Variants in AKAP19 observed in about 807,000 individuals in gnomAD.
AKAP19 encodes the protein small A-kinase anchoring protein.
the AKAP19 span, among the ~76,000 whole-genome samples, chr2:190,160,932 C>G: frequency 4.6e-5 from 7 of 152,024 alleles, no homozygotes; most frequent in East Asian, 1.3e-3. Flanking sequence ...TAATCGAGTA[C>G]TTACAGATGA....
chr2:190,114,116 G>T, the AKAP19 span, among the ~76,000 whole-genome samples: 4 of 152,022 alleles, frequency 2.6e-5, no homozygotes, highest in African/African-American at 7.2e-5. Flanking sequence ...AGTCTTTTCC[G>T]CAAACAAATC....
chr2:190,023,421 A>G, the AKAP19 span, among the ~76,000 whole-genome samples: 1 of 152,078 alleles, frequency 6.6e-6, no homozygotes, highest in Admixed American at 6.6e-5. Context: ...AAATAAATAA[A>G]AGCATATTAT....
chr2:190,180,717 C>T, the AKAP19 span: 3 of 985,374 alleles, frequency 3.0e-6, no homozygotes, highest in Non-Finnish European at 1.2e-6. This position sits in a 1 kb window ranked among gnomAD's most constrained non-coding sequence, Gnocchi z 6.8. Flanking sequence ...TCCCAGAGGG[C>T]GCGCCCTGGA....
chr2:190,018,546 AT>A, the AKAP19 span, among the ~76,000 whole-genome samples: 1 of 151,580 alleles, frequency 6.6e-6, no homozygotes, highest in Non-Finnish European at 1.5e-5. Flanking sequence ...CATGTTTTCT[AT>A]TTGTTTAACT....
the AKAP19 span, among the ~76,000 whole-genome samples, chr2:190,178,355 A>G: frequency 6.6e-6 from 1 of 152,200 alleles, no homozygotes; most frequent in African/African-American, 2.4e-5. This position sits in a 1 kb window ranked among gnomAD's most constrained non-coding sequence, Gnocchi z 6.3. Flanking sequence ...TCCAGGCCCA[A>G]CCTGCAAGTA....
the AKAP19 span, among the ~76,000 whole-genome samples, chr2:190,028,453 T>G: frequency 1.3e-5 from 2 of 152,184 alleles, no homozygotes; most frequent in East Asian, 3.8e-4. Flanking sequence ...ATGTTGTTCT[T>G]CTTAAGTGTT....
the AKAP19 span, among the ~76,000 whole-genome samples, chr2:189,961,645 G>A: frequency 6.6e-6 from 1 of 152,036 alleles, no homozygotes; most frequent in African/African-American, 2.4e-5. Context: ...GGGCATGGTG[G>A]CTCACACCTG....
At chr2:190,180,724 T>G in the AKAP19 span, 1 of 985,204 alleles carries the variant, frequency 1.0e-6, no homozygotes, top group Non-Finnish European at 1.2e-6. The surrounding 1 kb of genome is among the most constrained non-coding windows in gnomAD (Gnocchi z 6.8). Context: ...GGGCGCGCCC[T>G]GGAGCCGAGC....
At chr2:190,091,416 A>G in the AKAP19 span, among the ~76,000 whole-genome samples, 1 of 152,194 alleles carries the variant, frequency 6.6e-6, no homozygotes, top group African/African-American at 2.4e-5. Context: ...AACTGAAAGG[A>G]ATTTATTCAA....
At chr2:190,073,280 A>AAC in the AKAP19 span, among the ~76,000 whole-genome samples, 5 of 152,332 alleles carry the variant, frequency 3.3e-5, no homozygotes, top group East Asian at 9.6e-4. Context: ...GAATACTCTG[A>AAC]AAAGTGCCAG....
chr2:190,048,206 G>A, the AKAP19 span, among the ~76,000 whole-genome samples: 20 of 152,270 alleles, frequency 1.3e-4, no homozygotes, highest in Admixed American at 3.3e-4. Flanking sequence ...TAAGAATTAA[G>A]AAAGAAAAAC....
chr2:190,009,304 A>C, the AKAP19 span, among the ~76,000 whole-genome samples: 1 of 152,224 alleles, frequency 6.6e-6, no homozygotes, highest in African/African-American at 2.4e-5. Flanking sequence ...GGCTAGAAGT[A>C]TAACAGAAAG....
At chr2:190,144,190 AAAAAT>A in the AKAP19 span, among the ~76,000 whole-genome samples, 4 of 150,428 alleles carry the variant, frequency 2.7e-5, no homozygotes, top group African/African-American at 9.7e-5. Flanking sequence ...AGAAAAGAAA[AAAAAT>A]ATTAATAAAA....
chr2:190,153,974 G>A, the AKAP19 span, among the ~76,000 whole-genome samples: 698 of 152,238 alleles, frequency 4.6e-3, 5 homozygotes, highest in African/African-American at 0.016. Context: ...TCTGTGAGAC[G>A]AGATGGGTAC....
At chr2:190,021,838 A>C in the AKAP19 span, among the ~76,000 whole-genome samples, 1 of 152,326 alleles carries the variant, frequency 6.6e-6, no homozygotes, top group Admixed American at 6.5e-5. Flanking sequence ...TTTCCTGTCT[A>C]TAACAGAATA....
At chr2:189,956,660 C>A in the AKAP19 span, among the ~76,000 whole-genome samples, 2 of 152,110 alleles carry the variant, frequency 1.3e-5, no homozygotes, top group Non-Finnish European at 2.9e-5. Context: ...CTTACTGCAG[C>A]CTTGAACTTC....
the AKAP19 span, among the ~76,000 whole-genome samples, chr2:190,092,789 G>C: frequency 6.6e-6 from 1 of 152,108 alleles, no homozygotes; most frequent in African/African-American, 2.4e-5. Context: ...AGAAATCATT[G>C]TCGGTCTGAT....
the AKAP19 span, among the ~76,000 whole-genome samples, chr2:190,038,707 G>T: frequency 6.6e-6 from 1 of 152,224 alleles, no homozygotes; most frequent in South Asian, 2.1e-4. Flanking sequence ...ATACTAGGTG[G>T]TGCTTTTTCT....
At chr2:189,985,370 A>G in the AKAP19 span, among the ~76,000 whole-genome samples, 1 of 152,108 alleles carries the variant, frequency 6.6e-6, no homozygotes, top group Non-Finnish European at 1.5e-5. Context: ...GATATTTTCA[A>G]CTTATGATGG....
Sources: gnomAD v4.1 joint callset for allele counts (sites outside exome capture counted in the v4.1 genomes callset) on GRCh38, gnomAD v4.1.1 for gene constraint, Gnocchi (gnomAD v3.1) non-coding constraint, MANE v1.5 for transcripts, NCBI Gene and HGNC (gene_info 2026-07-23, HGNC 2026-07-21) for gene names.